Variants in ALK observed in about 807,000 individuals in gnomAD.
The protein encoded by ALK is ALK receptor tyrosine kinase.
ALK carries 74 observed loss-of-function variants against 163.1 expected under a neutral mutation model. That is an observed-to-expected ratio of 0.45 (90% confidence interval 0.38 to 0.55). The LOEUF (loss-of-function observed/expected upper bound fraction) is 0.55, where lower values mean the gene tolerates loss of function less well. Among genes scored for constraint, ALK ranks in the 20% least tolerant of loss-of-function variants. The pLI, the probability that ALK is intolerant of heterozygous loss-of-function variation, is 0.00. For missense variants in ALK, 2,063 were observed against 2,105.3 expected (o/e 0.98, Z 0.39); for synonymous variants, 960 against 843.2 (o/e 1.14, Z -2.40).
At chr2:29,223,309 CCT>C in intron 20 of ALK, 31 bp downstream of exon 20, 1 of 1,612,494 alleles carries the variant, frequency 6.2e-7, no homozygotes, top group African/African-American at 1.3e-5. Context: ...ACACTGCACC[CCT>C]CTCCTCCCAG....
At chr2:29,550,866 AT>A (rs1186961414) in intron 3 of ALK, among the ~76,000 whole-genome samples, 1 of 152,074 alleles carries the variant, frequency 6.6e-6, no homozygotes, top group Non-Finnish European at 1.5e-5. Flanking sequence ...AATTTAAAAT[AT>A]TTTTTTCTCT....
chr2:29,920,372 G>A lies in ALK; in HGVS notation c.288C>T (p.Ala96=), dbSNP rs1372884724. The A allele has an allele frequency of 6.4e-7, 1 of 1,558,512 alleles. No individual in the cohort carries two copies. The highest frequency in any genetic ancestry group is 8.7e-7 in the Non-Finnish European group (1 of 1,152,380). Residue 96 remains alanine (A), a synonymous_variant, in exon 1 of 29, where the codon GCC becomes GCT. Transcript: ENST00000389048. ...EARGSLALDC[A]PLLRLLGPAP... ...CCGGCCCCAGCAACCTGAGCAGCGG[G>A]GCGCAGTCCAGAGCTAGCGAGCCGC...
At position 29,195,759 on chromosome 2, in the gene ALK, T is replaced by A. The variant is rs1475357639; in HGVS notation, c.4164+1011A>T. ...AAAATTAAATTAAATAAATAGTGGT[T>A]TATTGACTCTTCTAAAATATTCTCA... On this transcript the variant is annotated intron_variant, in intron 28 of 28. Coordinates refer to ENST00000389048, the MANE Select transcript of ALK (RefSeq NM_004304.5). Among the ~76,000 whole-genome samples the A allele has an allele frequency of 3.9e-5, 6 of 152,086 alleles. No homozygotes were observed. The East Asian group carries it at 1.2e-3, about 29-fold the overall frequency.
intron 5 of ALK, among the ~76,000 whole-genome samples, chr2:29,346,434 G>T (rs1474451796): frequency 2.0e-5 from 3 of 152,214 alleles, no homozygotes; most frequent in African/African-American, 7.2e-5. Context: ...ACAGCCATGG[G>T]GATGGGGAGA....
intron 1 of ALK, among the ~76,000 whole-genome samples, chr2:29,801,530 C>G (rs529840109): frequency 6.6e-6 from 1 of 152,324 alleles, no homozygotes; most frequent in South Asian, 2.1e-4. Context: ...TATTGCTGCA[C>G]GACTTTCAGC....
At position 29,514,262 on chromosome 2, in the gene ALK, A is replaced by G. The variant is rs375278761; in HGVS notation, c.1154+17653T>C. ...CTTGGAACCAACCCAAATGTCCAAC[A>G]ATGATAGACTGGATTAAGAAAATGT... On this transcript the variant is annotated intron_variant, in intron 4 of 28. Transcript: ENST00000389048. Among the ~76,000 whole-genome samples the G allele has an allele frequency of 1.4e-3, 210 of 147,794 alleles. 1 individual carries two copies. The highest frequency in any genetic ancestry group is 5.0e-3 in the African/African-American group (200 of 39,656).
rs181393052 is a variant in ALK, at chr2:29,780,263, G to C, written c.668-62566C>G. 4.6e-5 allele frequency among the ~76,000 whole-genome samples: 7 copies of C among 152,252 alleles called. No individual in the cohort carries two copies. In the East Asian group the frequency reaches 1.4e-3, roughly 29 times the overall value. On this transcript the variant is annotated intron_variant, in intron 1 of 28. Transcript: ENST00000389048. ...CGAGCACAGAGCCCTCCTGTCCATGGACCTGAGATTGCCAGGGGACAGAAT... is the reference window on the plus strand; with the variant it reads ...CGAGCACAGAGCCCTCCTGTCCATGCACCTGAGATTGCCAGGGGACAGAAT...
rs116545946 is a variant in ALK, at chr2:29,486,600, G to A, written c.1154+45315C>T. 8.8e-3 allele frequency among the ~76,000 whole-genome samples: 1,342 copies of A among 152,178 alleles called. 19 individuals carry two copies. The highest frequency in any genetic ancestry group is 0.03 in the African/African-American group (1,266 of 41,516). On this transcript the variant is annotated intron_variant, in intron 4 of 28. Transcript: ENST00000389048. Reference sequence around the variant, plus strand: ...AGTCAGAGCTGCTTAAGAGAGATACGGGCATGCCCTGTTTTATAACAAAGG... The same window carrying A: ...AGTCAGAGCTGCTTAAGAGAGATACAGGCATGCCCTGTTTTATAACAAAGG...
chr2:29,451,698 C>T (rs887435138), intron 4 of ALK, among the ~76,000 whole-genome samples: 1 of 152,106 alleles, frequency 6.6e-6, no homozygotes, highest in Non-Finnish European at 1.5e-5. Flanking sequence ...GTGCCATGCC[C>T]GTGATTCTTA....
At chr2:29,747,375 TA>T (rs1680231571) in intron 1 of ALK, among the ~76,000 whole-genome samples, 1 of 152,160 alleles carries the variant, frequency 6.6e-6, no homozygotes, top group African/African-American at 2.4e-5. Context: ...TAGGAGACAT[TA>T]AAAAATAATT....
rs533495099 is a variant in ALK at position 29,785,437 on chromosome 2, C to G, written c.668-67740G>C. On this transcript the variant is annotated intron_variant, in intron 1 of 28. Transcript: ENST00000389048. ...ACAAACTGGAATGTGAGTGAGATTG[C>G]TGAAGTCTTTTTCATTTTGCCCAAG... Among the ~76,000 whole-genome samples the G allele has an allele frequency of 3.0e-4, 45 of 150,528 alleles. No homozygotes were observed. In the South Asian group the frequency reaches 9.2e-3, roughly 31 times the overall value.
At chr2:29,850,457 C>G (rs1295563914) in intron 1 of ALK, among the ~76,000 whole-genome samples, 1 of 152,198 alleles carries the variant, frequency 6.6e-6, no homozygotes, top group Non-Finnish European at 1.5e-5. Context: ...GATTGTTATA[C>G]TTCTATAAAA....
chr2:29,485,683 A>G (rs1211783460), intron 4 of ALK, among the ~76,000 whole-genome samples: 2 of 152,160 alleles, frequency 1.3e-5, no homozygotes, highest in African/African-American at 4.8e-5. Context: ...GTTTGTTTAC[A>G]GGTCCTCCCC....
chr2:29,370,449 A>G (rs540784885), intron 5 of ALK, among the ~76,000 whole-genome samples: 33 of 152,318 alleles, frequency 2.2e-4, no homozygotes, highest in African/African-American at 7.5e-4. Context: ...CTGACCTTAC[A>G]CTTGGGCTGC....
At chr2:29,347,893 C>T (rs1212066536) in intron 5 of ALK, among the ~76,000 whole-genome samples, 2 of 152,130 alleles carry the variant, frequency 1.3e-5, no homozygotes, top group African/African-American at 2.4e-5. Context: ...CCGGAGTTTC[C>T]GATTCAGTAG....
chr2:29,828,490 A>G (rs537486419), intron 1 of ALK, among the ~76,000 whole-genome samples: 1 of 152,222 alleles, frequency 6.6e-6, no homozygotes, highest in East Asian at 1.9e-4. Flanking sequence ...ACCCCATCAA[A>G]AAGTGGGCGA....
In ALK at chr2:29,921,142, G is replaced by A. The variant is rs919160296; in HGVS notation, c.-483C>T. On this transcript the variant is annotated 5_prime_UTR_variant, in exon 1 of 29. Transcript: ENST00000389048. ...CCAGCTGCTGCACGCTGTCCTGGCC[G>A]CCTTTTGCGTTCCTTTTGGCTCCTC... 1.3e-5 allele frequency: 3 copies of A among 238,554 alleles called. No individual in the cohort carries two copies. Among genetic ancestry groups the A allele is most frequent in the Non-Finnish European group, 2.5e-5 (3 of 121,868 alleles). The allele number at this position is 238,554 out of a possible 1,614,324, so 14.8% of individuals were successfully genotyped here.
At chr2:29,809,019 C>T (rs1664684931) in intron 1 of ALK, among the ~76,000 whole-genome samples, 1 of 152,218 alleles carries the variant, frequency 6.6e-6, no homozygotes, top group South Asian at 2.1e-4. Flanking sequence ...ATCCTAATGT[C>T]TTTCCAGGGA....
intron 4 of ALK, among the ~76,000 whole-genome samples, chr2:29,480,712 G>A (rs1374859959): frequency 3.3e-5 from 5 of 150,692 alleles, no homozygotes; most frequent in Admixed American, 6.6e-5. Context: ...GGCTCAGGCC[G>A]GGGGCTACAG....
Sources: gnomAD v4.1 joint callset for allele counts (sites outside exome capture counted in the v4.1 genomes callset) on GRCh38, gnomAD v4.1.1 for gene constraint, MANE v1.5 for transcripts, NCBI Gene and HGNC (gene_info 2026-07-23, HGNC 2026-07-21) for gene names.